CLDN10: variants seen among roughly 807,000 people sequenced by gnomAD.
CLDN10 encodes claudin-10.
CLDN10 carries 15 observed loss-of-function variants against 22.9 expected under a neutral mutation model. The ratio of observed to expected loss-of-function variants is 0.65; its 90% CI spans 0.44 to 1.01. The LOEUF (loss-of-function observed/expected upper bound fraction) is 1.01. Among genes scored for constraint, CLDN10 ranks in the 50% least tolerant of loss-of-function variants. The probability of loss-of-function intolerance (pLI) is 0.00; values close to 1 mark genes in which losing one functional copy is unlikely to be tolerated. For missense variants in CLDN10, 247 were observed against 287.8 expected, an observed-to-expected ratio of 0.86 and a Z score of 1.03; for synonymous variants, 114 against 111.4, an observed-to-expected ratio of 1.02 and a Z score of -0.15.
intron 1 of CLDN10, among the ~76,000 whole-genome samples, chr13:95,527,523 A>G (rs1176355260): frequency 6.6e-6 from 1 of 152,030 alleles, no homozygotes; most frequent in Admixed American, 6.6e-5. Flanking sequence ...TGAGGTCAGG[A>G]GTTCAAGACC....
At chr13:95,505,378 C>T (rs1447521398) in intron 1 of CLDN10, among the ~76,000 whole-genome samples, 1 of 152,220 alleles carries the variant, frequency 6.6e-6, no homozygotes, top group Non-Finnish European at 1.5e-5. Flanking sequence ...CAGAGAGCCA[C>T]ATTCCAGGGA....
chr13:95,524,094 C>CA (rs1555295794), intron 1 of CLDN10, among the ~76,000 whole-genome samples: 2 of 137,918 alleles, frequency 1.5e-5, no homozygotes, highest in East Asian at 4.2e-4. Context: ...CTTTGACTGG[C>CA]TTTTTTTTTT....
At chr13:95,436,101 C>T (rs2042268162) in intron 1 of CLDN10, among the ~76,000 whole-genome samples, 1 of 152,160 alleles carries the variant, frequency 6.6e-6, no homozygotes, top group Admixed American at 6.5e-5. Flanking sequence ...ATGACTTCAA[C>T]TTGCTGCTTC....
chr13:95,530,053 G>T (rs552423900), intron 1 of CLDN10, among the ~76,000 whole-genome samples: 1 of 152,162 alleles, frequency 6.6e-6, no homozygotes, highest in African/African-American at 2.4e-5. Flanking sequence ...CAAACCACAT[G>T]CATATAATGC....
chr13:95,472,683 AAAAT>A lies in CLDN10; in HGVS notation c.214+38638_214+38641del, dbSNP rs1460446125. On this transcript the variant is annotated intron_variant, in intron 1 of 4. Transcript: ENST00000376873. The stretch of plus-strand genomic sequence containing the variant: ...AGACTCCGTCTCAAAAAAAAAAAAA[AAAAT>A]AGAGTGGGATACTTGTCACTACAGG... Among the ~76,000 whole-genome samples the A allele has an allele frequency of 5.9e-5, 9 of 151,970 alleles. No individual in the cohort carries two copies. In the South Asian group the frequency reaches 6.2e-4, roughly 11 times the overall value.
intron 1 of CLDN10, among the ~76,000 whole-genome samples, chr13:95,470,511 G>A (rs2042619168): frequency 6.6e-6 from 1 of 152,124 alleles, no homozygotes. Flanking sequence ...GATACAACAT[G>A]TTCTTCTCTC....
intron 1 of CLDN10, among the ~76,000 whole-genome samples, chr13:95,481,463 T>C (rs2138495417): frequency 6.6e-6 from 1 of 152,278 alleles, no homozygotes; most frequent in East Asian, 1.9e-4. Flanking sequence ...AGGCTGGTCT[T>C]CAGACCACAG....
At chr13:95,484,879 A>T (rs987594549) in intron 1 of CLDN10, among the ~76,000 whole-genome samples, 4 of 150,510 alleles carry the variant, frequency 2.7e-5, no homozygotes, top group African/African-American at 4.9e-5. Flanking sequence ...AAAAAAAAAA[A>T]AAAAAAAAAA....
At chr13:95,452,051 A>G (rs981411758) in intron 1 of CLDN10, among the ~76,000 whole-genome samples, 1 of 152,138 alleles carries the variant, frequency 6.6e-6, no homozygotes, top group African/African-American at 2.4e-5. Context: ...AGGTTCAAAC[A>G]CCATCTCTTT....
intron 1 of CLDN10, among the ~76,000 whole-genome samples, chr13:95,503,698 A>G (rs1035233880): frequency 6.6e-6 from 1 of 152,238 alleles, no homozygotes; most frequent in Non-Finnish European, 1.5e-5. Flanking sequence ...TACAGCATAC[A>G]TGAATCTTAA....
intron 1 of CLDN10, among the ~76,000 whole-genome samples, chr13:95,438,164 C>G (rs1412679362): frequency 1.3e-5 from 2 of 152,228 alleles, no homozygotes; most frequent in Non-Finnish European, 2.9e-5. Context: ...AGTGATCCTC[C>G]CATCTCAGCC....
chr13:95,472,579 A>G (rs2139103489), intron 1 of CLDN10, among the ~76,000 whole-genome samples: 1 of 151,916 alleles, frequency 6.6e-6, no homozygotes, highest in African/African-American at 2.4e-5. Context: ...CTAAGGCAGG[A>G]GAATTGCTTA....
intron 1 of CLDN10, among the ~76,000 whole-genome samples, chr13:95,483,448 A>G (rs1460651932): frequency 6.6e-6 from 1 of 152,128 alleles, no homozygotes; most frequent in Non-Finnish European, 1.5e-5. Flanking sequence ...AGCTCAAGCA[A>G]TCCTCCTGCT....
chr13:95,574,170 G>A (rs763317411), intron 3 of CLDN10, among the ~76,000 whole-genome samples: 21 of 152,116 alleles, frequency 1.4e-4, no homozygotes, highest in African/African-American at 4.6e-4. Context: ...GAATAGTGCC[G>A]CAATAAACAT....
chr13:95,482,898 G>A (rs907393777), intron 1 of CLDN10, among the ~76,000 whole-genome samples: 1 of 152,182 alleles, frequency 6.6e-6, no homozygotes, highest in Non-Finnish European at 1.5e-5. Context: ...AGAATCTCTT[G>A]AACCCAGGAG....
rs138246908 is a variant in CLDN10 at position 95,440,677 on chromosome 13, T to C, written c.214+6630T>C. Among the ~76,000 whole-genome samples, 5 of 152,310 alleles carry C rather than the reference T, an allele frequency of 3.3e-5. No individual in the cohort carries two copies. The East Asian group carries it at 9.6e-4, about 29-fold the overall frequency. Reference sequence around the variant, plus strand: ...GGTGAAGTCCAAGAAGCATTCGACATGTTCCTGTTCCAACAAACAGAGGCA... The same window carrying C: ...GGTGAAGTCCAAGAAGCATTCGACACGTTCCTGTTCCAACAAACAGAGGCA... On this transcript the variant is annotated intron_variant, in intron 1 of 4. Transcript: ENST00000376873.
intron 1 of CLDN10, among the ~76,000 whole-genome samples, chr13:95,493,296 TA>T (rs1566299651): frequency 6.6e-6 from 1 of 152,024 alleles, no homozygotes; most frequent in East Asian, 1.9e-4. Context: ...ATTTTTTTTT[TA>T]TTGTGCTAAA....
rs191505045 is a variant in CLDN10 at position 95,518,416 on chromosome 13, G to A, written c.215-41716G>A. ...TACATGAGAACATTTGCAAAACCTGGATTTACCAACTGCAGTCATTAAGAA... is the reference window on the plus strand; with the variant it reads ...TACATGAGAACATTTGCAAAACCTGAATTTACCAACTGCAGTCATTAAGAA... On this transcript the variant is annotated intron_variant, in intron 1 of 4. Transcript: ENST00000376873. Among the ~76,000 whole-genome samples the A allele has an allele frequency of 1.3e-3, 196 of 152,132 alleles. 1 individual carries two copies. The highest frequency in any genetic ancestry group is 0.01 in the Middle Eastern group (3 of 294).
chr13:95,571,248 G>C (rs2043855637), intron 3 of CLDN10, among the ~76,000 whole-genome samples: 1 of 152,080 alleles, frequency 6.6e-6, no homozygotes, highest in Non-Finnish European at 1.5e-5. Flanking sequence ...CACAGTGCAT[G>C]GAAGGATAAT....
Sources: gnomAD v4.1 joint callset for allele counts (sites outside exome capture counted in the v4.1 genomes callset) on GRCh38, gnomAD v4.1.1 for gene constraint, MANE v1.5 for transcripts, NCBI Gene and HGNC (gene_info 2026-07-23, HGNC 2026-07-21) for gene names.